The following PTPRG variants were observed in gnomAD, a reference collection of about 807,000 sequenced individuals.
PTPRG encodes the protein protein tyrosine phosphatase receptor type G.
PTPRG carries 102 observed loss-of-function variants against 165.3 expected under a neutral mutation model. The ratio of observed to expected loss-of-function variants is 0.62; its 90% CI spans 0.53 to 0.73. PTPRG has a LOEUF of 0.73. Among genes scored for constraint, PTPRG ranks in the 30% least tolerant of loss-of-function variants. The pLI, the probability that PTPRG is intolerant of heterozygous loss-of-function variation, is 0.00. For synonymous variants in PTPRG, 675 were observed against 669.5 expected (o/e 1.01, Z -0.13); for missense variants, 1,866 against 1,861.4 (o/e 1.00, Z -0.05).
intron 28 of PTPRG, among the ~76,000 whole-genome samples, chr3:62,290,450 T>A (rs879292764): frequency 2.0e-5 from 3 of 152,156 alleles, no homozygotes; most frequent in Admixed American, 6.5e-5. Context: ...ATGAAAATTA[T>A]ATGTTTGAAT....
At chr3:61,894,937 T>C (rs2038310974) in intron 2 of PTPRG, among the ~76,000 whole-genome samples, 1 of 152,194 alleles carries the variant, frequency 6.6e-6, no homozygotes, top group Non-Finnish European at 1.5e-5. Flanking sequence ...CATTGATATT[T>C]GGGGCCCCAT....
intron 2 of PTPRG, among the ~76,000 whole-genome samples, chr3:61,873,705 G>T (rs372551573): frequency 2.6e-5 from 4 of 152,058 alleles, no homozygotes; most frequent in African/African-American, 9.7e-5. Flanking sequence ...TGTATTCTCT[G>T]CTTATTTTTT....
rs1450918026 is a variant in PTPRG at position 62,228,744 on chromosome 3, G to T, written c.2289-2481G>T. Among the ~76,000 whole-genome samples, 1 of 152,124 alleles carries T rather than the reference G, an allele frequency of 6.6e-6. No homozygotes were observed. Among genetic ancestry groups the T allele is most frequent in the Non-Finnish European group, 1.5e-5 (1 of 68,018 alleles). ...ACATGTACAAAGTACAAAGGCACTGGGTCAGTCCTGGTTGCTCAATGTCCT... is the reference window on the plus strand; with the variant it reads ...ACATGTACAAAGTACAAAGGCACTGTGTCAGTCCTGGTTGCTCAATGTCCT... On this transcript the variant is annotated intron_variant, in intron 13 of 29. Transcript: ENST00000474889. The surrounding 1 kb of genome is among the most constrained non-coding windows in gnomAD (Gnocchi z 4.1).
intron 1 of PTPRG, among the ~76,000 whole-genome samples, chr3:61,650,194 C>T (rs986217634): frequency 5.9e-5 from 9 of 152,234 alleles, no homozygotes; most frequent in African/African-American, 2.2e-4. Context: ...TACACGGCTG[C>T]TGAGAAATTA....
intron 1 of PTPRG, among the ~76,000 whole-genome samples, chr3:61,696,374 C>T (rs556154830): frequency 5.9e-5 from 9 of 152,078 alleles, no homozygotes; most frequent in East Asian, 3.9e-4. Context: ...TGGTGGCAGG[C>T]GCCTGTAATC....
chr3:61,749,205 C>A, intron 2 of PTPRG: 1 of 641,846 alleles, frequency 1.6e-6, no homozygotes, highest in Non-Finnish European at 2.9e-6. Flanking sequence ...CCTCAATTTG[C>A]GTTTATTTCT....
At chr3:61,807,422 G>C (rs923965802) in intron 2 of PTPRG, among the ~76,000 whole-genome samples, 1 of 152,194 alleles carries the variant, frequency 6.6e-6, no homozygotes, top group Non-Finnish European at 1.5e-5. Flanking sequence ...TCAGAACTTA[G>C]TTTTGACCCT....
intron 1 of PTPRG, among the ~76,000 whole-genome samples, chr3:61,664,702 A>G (rs4688653): frequency 0.96 from 146,602 of 152,244 alleles, 70,767 homozygotes; most frequent in Non-Finnish European, 1. Context: ...GTGGTTGTAC[A>G]CGCCTGTAAT....
At chr3:62,249,348 C>T (rs1261156291) in intron 15 of PTPRG, among the ~76,000 whole-genome samples, 1 of 152,074 alleles carries the variant, frequency 6.6e-6, no homozygotes, top group Admixed American at 6.6e-5. Flanking sequence ...GAGGTCTATC[C>T]ACTAGAGGTG....
intron 2 of PTPRG, among the ~76,000 whole-genome samples, chr3:61,888,692 G>T (rs768450032): frequency 1.3e-5 from 2 of 152,048 alleles, no homozygotes; most frequent in African/African-American, 2.4e-5. Context: ...GTTCAGTGTT[G>T]GTATGATTTT....
rs562163001 is a variant in PTPRG, at chr3:62,219,863, G to A, written c.2288+880G>A. Among the ~76,000 whole-genome samples, 1 of 152,350 alleles carries A rather than the reference G, an allele frequency of 6.6e-6. No homozygotes were observed. Among genetic ancestry groups the A allele is most frequent in the African/African-American group, 2.4e-5 (1 of 41,584 alleles). On this transcript the variant is annotated intron_variant, in intron 13 of 29. Coordinates refer to ENST00000474889, the MANE Select transcript of PTPRG (RefSeq NM_002841.4). The surrounding 1 kb of genome is among the most constrained non-coding windows in gnomAD (Gnocchi z 4.5). Reference sequence around the variant, plus strand: ...GTCATGGAGCTTACAGTTTAGTGGAGGAGGCAGGCAATAAACAAAGCAAAT... The same window carrying A: ...GTCATGGAGCTTACAGTTTAGTGGAAGAGGCAGGCAATAAACAAAGCAAAT...
intron 2 of PTPRG, among the ~76,000 whole-genome samples, chr3:61,949,713 A>G (rs1280931241): frequency 6.8e-6 from 1 of 147,998 alleles, no homozygotes; most frequent in Non-Finnish European, 1.5e-5. Flanking sequence ...TTGTTTTTAA[A>G]GCCTTTGGAT....
chr3:61,966,245 G>A (rs56104651), intron 2 of PTPRG, among the ~76,000 whole-genome samples: 33,529 of 152,126 alleles, frequency 0.22, 4,043 homozygotes, highest in African/African-American at 0.3. Context: ...ATGTGTCAGC[G>A]CCAGTGGAGT....
chr3:61,879,465 C>T (rs1319081952), intron 2 of PTPRG, among the ~76,000 whole-genome samples: 1 of 151,668 alleles, frequency 6.6e-6, no homozygotes, highest in Non-Finnish European at 1.5e-5. Context: ...ATATTTTATT[C>T]TTTTTGATTT....
intron 2 of PTPRG, among the ~76,000 whole-genome samples, chr3:61,752,591 G>C (rs1402097351): frequency 1.3e-5 from 2 of 151,812 alleles, no homozygotes; most frequent in Non-Finnish European, 2.9e-5. Flanking sequence ...AGGAGTTCGA[G>C]ACCTGCCAAC....
At chr3:61,763,973 GCTA>G (rs1003104255) in intron 2 of PTPRG, among the ~76,000 whole-genome samples, 1 of 152,142 alleles carries the variant, frequency 6.6e-6, no homozygotes, top group Non-Finnish European at 1.5e-5. Flanking sequence ...GCCACACATA[GCTA>G]CTGACTACCC....
At chr3:61,603,270 G>A (rs978375062) in intron 1 of PTPRG, among the ~76,000 whole-genome samples, 1 of 152,174 alleles carries the variant, frequency 6.6e-6, no homozygotes, top group African/African-American at 2.4e-5. Flanking sequence ...TGCTGGAGGT[G>A]GGGCCTGGTG....
At chr3:62,128,572 C>T (rs1276851696) in intron 5 of PTPRG, among the ~76,000 whole-genome samples, 1 of 151,568 alleles carries the variant, frequency 6.6e-6, no homozygotes, top group African/African-American at 2.4e-5. Context: ...TTGGATGTGG[C>T]ATTTGTACTC....
At chr3:61,844,839 A>G (rs2036761641) in intron 2 of PTPRG, among the ~76,000 whole-genome samples, 1 of 152,092 alleles carries the variant, frequency 6.6e-6, no homozygotes, top group South Asian at 2.1e-4. Flanking sequence ...TGGCAACCCT[A>G]GTTTCTAGAA....
Sources: gnomAD v4.1 joint callset for allele counts (sites outside exome capture counted in the v4.1 genomes callset) on GRCh38, gnomAD v4.1.1 for gene constraint, Gnocchi (gnomAD v3.1) non-coding constraint, MANE v1.5 for transcripts, NCBI Gene and HGNC (gene_info 2026-07-23, HGNC 2026-07-21) for gene names.